The following OOSP1 variants were observed in gnomAD, a reference collection of about 807,000 sequenced individuals.
OOSP1 encodes putative oocyte-secreted protein 1 homolog.
OOSP1 carries 11 observed loss-of-function variants against 5.7 expected under a neutral mutation model. That is an observed-to-expected ratio of 1.94 (90% confidence interval 1.22 to 3.20). OOSP1 has a LOEUF of 3.20. Ranked by LOEUF, OOSP1 falls within the 30% of genes most tolerant of loss-of-function variation. The probability of loss-of-function intolerance (pLI) is 0.00; values close to 1 mark genes in which losing one functional copy is unlikely to be tolerated. For synonymous variants in OOSP1, 44 were observed against 20.0 expected (o/e 2.20, Z -3.20); for missense variants, 83 against 54.1 (o/e 1.53, Z -1.67).
chr11:59,952,982 T>C (rs1412768189), intron 4 of OOSP1, among the ~76,000 whole-genome samples: 2 of 152,194 alleles, frequency 1.3e-5, no homozygotes, highest in East Asian at 3.8e-4. Flanking sequence ...CCATTATGTC[T>C]AATGAAGCTA....
chr11:59,955,902 G>T (rs1223125730), intron 4 of OOSP1, among the ~76,000 whole-genome samples: 1 of 152,094 alleles, frequency 6.6e-6, no homozygotes, highest in East Asian at 1.9e-4. Flanking sequence ...AAAGTGCTGG[G>T]ATTACAGGCA....
At chr11:59,944,785 G>A (rs1051254829) in intron 2 of OOSP1, among the ~76,000 whole-genome samples, 1 of 152,156 alleles carries the variant, frequency 6.6e-6, no homozygotes, top group African/African-American at 2.4e-5. Flanking sequence ...GATTCATGAT[G>A]AATAGAGGCA....
chr11:59,955,423 A>G (rs535097624), intron 4 of OOSP1, among the ~76,000 whole-genome samples: 7 of 152,316 alleles, frequency 4.6e-5, no homozygotes, highest in Non-Finnish European at 7.4e-5. Flanking sequence ...GGAAGATAGA[A>G]ATAGTAAGAT....
chr11:59,947,737 C>T (rs1853900376), exon 4 of OOSP1: 1 of 398,692 alleles, frequency 2.5e-6, no homozygotes, highest in East Asian at 3.6e-5. Context: ...TTTTAGTCAG[C>T]ATCATCTTTT....
intron 4 of OOSP1, among the ~76,000 whole-genome samples, chr11:59,954,296 C>T (rs1853969537): frequency 1.3e-5 from 2 of 152,024 alleles, no homozygotes; most frequent in Non-Finnish European, 1.5e-5. Context: ...GTTGCAACTA[C>T]TCAGCTCTGC....
At chr11:59,954,127 A>G (rs1008996977) in intron 4 of OOSP1, among the ~76,000 whole-genome samples, 1 of 152,194 alleles carries the variant, frequency 6.6e-6, no homozygotes, top group African/African-American at 2.4e-5. Context: ...GTATCAAAAC[A>G]TATGTAAACA....
intron 1 of OOSP1, among the ~76,000 whole-genome samples, chr11:59,941,449 G>A (rs1472212147): frequency 5.3e-5 from 8 of 151,612 alleles, no homozygotes; most frequent in African/African-American, 1.7e-4. Flanking sequence ...GCACCATCTC[G>A]GCTCACTGCA....
chr11:59,945,842 A>G (rs1358745155), intron 3 of OOSP1, among the ~76,000 whole-genome samples: 1 of 151,690 alleles, frequency 6.6e-6, no homozygotes, highest in Admixed American at 6.6e-5. Context: ...CAAGCTGTGC[A>G]GGAAGCATGG....
intron 4 of OOSP1, among the ~76,000 whole-genome samples, chr11:59,952,887 T>G (rs113224953): frequency 0.012 from 1,773 of 152,286 alleles, 35 homozygotes; most frequent in African/African-American, 0.039. Context: ...AAATATTGAT[T>G]TCTGCCCCAC....
intron 4 of OOSP1, among the ~76,000 whole-genome samples, chr11:59,955,681 T>A (rs1377418072): frequency 6.6e-6 from 1 of 152,076 alleles, no homozygotes; most frequent in Non-Finnish European, 1.5e-5. Flanking sequence ...TGCAGAGGCA[T>A]GCCTATGGCT....
chr11:59,945,487 A>T (rs1853871956), intron 3 of OOSP1, among the ~76,000 whole-genome samples: 1 of 152,012 alleles, frequency 6.6e-6, no homozygotes, highest in South Asian at 2.1e-4. Context: ...CACACCTGTA[A>T]TCCCAGCACT....
chr11:59,943,264 C>A (rs541250129), intron 2 of OOSP1, among the ~76,000 whole-genome samples: 5 of 151,462 alleles, frequency 3.3e-5, no homozygotes, highest in African/African-American at 1.2e-4. Context: ...TGTTAAATGA[C>A]GAGTTAATGG....
rs1817292397 is a variant in OOSP1, at chr11:59,942,867, C to T, written c.97C>T (p.Gln33Ter). Reference sequence around the variant, plus strand: ...TTCAGCTATTCAAGTACACTGCACCCAGTTTTGGTTCTTTGCCAGGATTAA... The same window carrying T: ...TTCAGCTATTCAAGTACACTGCACCTAGTTTTGGTTCTTTGCCAGGATTAA... The change falls in exon 2 of 5, where the codon CAG becomes TAG. Residue 33 changes from glutamine to a stop codon, truncating the protein, a stop_gained. Coordinates refer to ENST00000646685, the Ensembl canonical transcript of OOSP1. LOFTEE classifies it high-confidence loss of function. 2 of 702,504 alleles carry T rather than the reference C, an allele frequency of 2.8e-6. No homozygotes were observed. The highest frequency in any genetic ancestry group is 2.0e-5 in the Admixed American group (1 of 49,970). The allele number at this position is 702,504 out of a possible 1,614,324, so 43.5% of individuals were successfully genotyped here.
At chr11:59,956,286 G>A (rs1410906078) in intron 4 of OOSP1, among the ~76,000 whole-genome samples, 3 of 151,842 alleles carry the variant, frequency 2.0e-5, no homozygotes, top group African/African-American at 7.3e-5. Context: ...AGCAATAGCA[G>A]TTTCCTTGGC....
intron 3 of OOSP1, among the ~76,000 whole-genome samples, chr11:59,946,550 A>G (rs543913279): frequency 6.6e-6 from 1 of 152,314 alleles, no homozygotes; most frequent in South Asian, 2.1e-4. Flanking sequence ...ACATAGGAAT[A>G]CTAGGAATAT....
chr11:59,956,586 G>A (rs1434285623), intron 4 of OOSP1, among the ~76,000 whole-genome samples: 1 of 152,018 alleles, frequency 6.6e-6, no homozygotes, highest in Non-Finnish European at 1.5e-5. Context: ...GGTTATTGGG[G>A]TACAGGAGGT....
At chr11:59,946,108 CAGA>C (rs923686959) in intron 3 of OOSP1, among the ~76,000 whole-genome samples, 2 of 152,124 alleles carry the variant, frequency 1.3e-5, no homozygotes, top group African/African-American at 2.4e-5. Flanking sequence ...CCTGGCAGCA[CAGA>C]AGGAGGTGAG....
chr11:59,945,750 C>CAAAAAAAA (rs67604320), intron 3 of OOSP1, among the ~76,000 whole-genome samples: 1 of 45,822 alleles, frequency 2.2e-5, no homozygotes. Flanking sequence ...GACTCTGTCT[C>CAAAAAAAA]AAAAAAAAAA....
At position 59,938,490 on chromosome 11, in the gene OOSP1, T is replaced by G; in HGVS notation, c.36T>G (p.Tyr12Ter). ...TTCTGGGGTTCAAAGGGCTCTTTTA[T>G]CTGCATTCCTTGATATGGACCTGCG... The change falls in exon 1 of 5, where the codon TAT becomes TAG. Residue 12 changes from tyrosine (Y) to a stop codon, truncating the protein, a stop_gained. Transcript: ENST00000646685. LOFTEE classifies it high-confidence loss of function. The G allele has an allele frequency of 1.6e-6, 1 of 632,000 alleles. No homozygotes were observed. Among genetic ancestry groups the G allele is most frequent in the South Asian group, 1.8e-5 (1 of 54,100 alleles). The allele number at this position is 632,000 out of a possible 1,614,324, so 39.1% of individuals were successfully genotyped here.
Sources: gnomAD v4.1 joint callset for allele counts (sites outside exome capture counted in the v4.1 genomes callset) on GRCh38, gnomAD v4.1.1 for gene constraint, MANE v1.5 for transcripts, NCBI Gene and HGNC (gene_info 2026-07-23, HGNC 2026-07-21) for gene names.